Variants in CHST9 observed in about 807,000 individuals in gnomAD.
CHST9 encodes GalNAc-4-sulfotransferase 2.
Under a neutral mutation model 44.4 loss-of-function variants are expected in CHST9, and 41 were observed. That is an observed-to-expected ratio of 0.92 (90% confidence interval 0.72 to 1.20). CHST9 has a LOEUF of 1.20. Among genes scored for constraint, CHST9 ranks in the 50% most tolerant of loss-of-function variants. The pLI, the probability that CHST9 is intolerant of heterozygous loss-of-function variation, is 0.00. For missense variants in CHST9, 504 were observed against 516.5 expected, an observed-to-expected ratio of 0.98 and a Z score of 0.23; for synonymous variants, 171 against 178.4, an observed-to-expected ratio of 0.96 and a Z score of 0.33.
intron 4 of CHST9, among the ~76,000 whole-genome samples, chr18:26,959,588 A>C (rs2056373007): frequency 6.6e-6 from 1 of 152,220 alleles, no homozygotes; most frequent in Admixed American, 6.5e-5. Flanking sequence ...GAAGCAGATT[A>C]GGGGAACAGT....
intron 2 of CHST9, among the ~76,000 whole-genome samples, chr18:27,136,496 G>T (rs1223499451): frequency 6.6e-6 from 1 of 152,192 alleles, no homozygotes; most frequent in Non-Finnish European, 1.5e-5. Flanking sequence ...GCACACTGCA[G>T]GGTGGCTTAG....
Position 26,917,099 on chromosome 18 carries a change from T to A in CHST9, c.492A>T (p.Lys164Asn), listed in dbSNP as rs769959604. 30 of 1,613,882 alleles carry A rather than the reference T, an allele frequency of 1.9e-5. No individual in the cohort carries two copies. The African/African-American group carries it at 2.8e-4, about 15-fold the overall frequency. ...CCTCAGTTTTCTTCCATTTATTATC[T>A]TTGACTAAACTTTTGTTTAAAGGGT... ...DIHPLNKSLV[K>N]DNKWKKTEET... is the part of the protein sequence containing the mutation. Residue 164 changes from lysine to asparagine, a missense_variant, in exon 6 of 6, where the codon AAA becomes AAT. Lys to Asn is a moderately conservative substitution (Grantham distance 94, BLOSUM62 0). Transcript: ENST00000618847.
At chr18:26,991,740 A>G (rs1395393871) in intron 4 of CHST9, among the ~76,000 whole-genome samples, 3 of 130,028 alleles carry the variant, frequency 2.3e-5, no homozygotes, top group African/African-American at 5.2e-5. Context: ...GGAGGGAGTG[A>G]TCAACTGTGT....
chr18:26,934,172 G>A (rs1303184696), intron 5 of CHST9: 1 of 152,410 alleles, frequency 6.6e-6, no homozygotes, highest in Non-Finnish European at 1.5e-5. Context: ...GGATTTTACA[G>A]GGGTGCAGTA....
intron 2 of CHST9, among the ~76,000 whole-genome samples, chr18:27,098,811 C>T (rs2058142780): frequency 6.9e-6 from 1 of 144,754 alleles, no homozygotes; most frequent in African/African-American, 2.6e-5. Flanking sequence ...CTACCAATGG[C>T]ATTTTTCACA....
At chr18:27,095,772 C>T (rs189233853) in intron 2 of CHST9, among the ~76,000 whole-genome samples, 1 of 152,014 alleles carries the variant, frequency 6.6e-6, no homozygotes, top group Non-Finnish European at 1.5e-5. Context: ...AATTGGAGCA[C>T]CCAGATACAT....
intron 4 of CHST9, among the ~76,000 whole-genome samples, chr18:26,970,203 C>G (rs1352414276): frequency 2.6e-5 from 4 of 152,170 alleles, no homozygotes; most frequent in Non-Finnish European, 5.9e-5. Context: ...TTCTAAAATA[C>G]AGATTTCTGA....
At chr18:26,988,901 A>G (rs2056784714) in intron 4 of CHST9, among the ~76,000 whole-genome samples, 1 of 152,170 alleles carries the variant, frequency 6.6e-6, no homozygotes, top group Non-Finnish European at 1.5e-5. Flanking sequence ...AGAAAATCTA[A>G]ATAACACAAA....
rs2057576644 is a variant in CHST9, at chr18:27,052,276, ATG to A, written c.122-3775_122-3774del. 4.7e-5 allele frequency among the ~76,000 whole-genome samples: 7 copies of A among 149,092 alleles called. No homozygotes were observed. In the South Asian group the frequency reaches 1.3e-3, roughly 27 times the overall value. ...TGTGTATATATATATGTGTATATAT[ATG>A]TATATATATGTGTGTATATATGTAT... On this transcript the variant is annotated intron_variant, in intron 2 of 5. Transcript: ENST00000618847.
intron 2 of CHST9, among the ~76,000 whole-genome samples, chr18:27,114,226 T>C (rs1402132504): frequency 6.6e-5 from 10 of 152,218 alleles, no homozygotes; most frequent in Admixed American, 5.9e-4. Flanking sequence ...AACGACGGAA[T>C]CTTTATAAGT....
chr18:27,023,452 T>C (rs1285484105), intron 4 of CHST9, among the ~76,000 whole-genome samples: 1 of 152,186 alleles, frequency 6.6e-6, no homozygotes, highest in East Asian at 1.9e-4. Context: ...ATTGTTTTAT[T>C]ACTTTCAATA....
chr18:27,038,470 C>T (rs1468503011), intron 3 of CHST9, among the ~76,000 whole-genome samples: 2 of 151,858 alleles, frequency 1.3e-5, no homozygotes, highest in Non-Finnish European at 2.9e-5. Flanking sequence ...CACTTGAACT[C>T]GGGAGGTGAA....
chr18:27,172,680 G>A (rs2058842202), intron 1 of CHST9, among the ~76,000 whole-genome samples: 1 of 151,992 alleles, frequency 6.6e-6, no homozygotes, highest in South Asian at 2.1e-4. Flanking sequence ...TCAAGATAGT[G>A]TAGGCTGGCA....
At chr18:27,145,983 AAAT>A (rs2058608962) in intron 1 of CHST9, among the ~76,000 whole-genome samples, 1 of 152,184 alleles carries the variant, frequency 6.6e-6, no homozygotes, top group African/African-American at 2.4e-5. Flanking sequence ...ACTAACAAAG[AAAT>A]AGTTGTTTAC....
intron 3 of CHST9, among the ~76,000 whole-genome samples, chr18:27,037,887 A>G (rs965575426): frequency 3.3e-5 from 5 of 151,982 alleles, no homozygotes; most frequent in African/African-American, 1.2e-4. Flanking sequence ...GACTACTGCC[A>G]ATTCTCAAGC....
chr18:26,922,417 T>C (rs1229959549), intron 5 of CHST9, among the ~76,000 whole-genome samples: 1 of 152,172 alleles, frequency 6.6e-6, no homozygotes, highest in Non-Finnish European at 1.5e-5. Flanking sequence ...TTGATTGTTT[T>C]GTTGGAAAAA....
At chr18:27,060,874 G>A (rs893142293) in intron 2 of CHST9, among the ~76,000 whole-genome samples, 1 of 152,190 alleles carries the variant, frequency 6.6e-6, no homozygotes, top group Non-Finnish European at 1.5e-5. Context: ...CAATCTTCCT[G>A]CCTCAGCCTC....
At chr18:26,994,698 T>C (rs182218713) in intron 4 of CHST9, among the ~76,000 whole-genome samples, 64 of 152,214 alleles carry the variant, frequency 4.2e-4, no homozygotes, top group Admixed American at 1.0e-3. Flanking sequence ...CAAGTGATTC[T>C]TTGCCTCAGC....
At chr18:26,993,340 T>C (rs540255439) in intron 4 of CHST9, among the ~76,000 whole-genome samples, 7 of 152,344 alleles carry the variant, frequency 4.6e-5, no homozygotes, top group Non-Finnish European at 1.5e-5. Context: ...AAACCTTAAA[T>C]TTTATTATCT....
Sources: gnomAD v4.1 joint callset for allele counts (sites outside exome capture counted in the v4.1 genomes callset) on GRCh38, gnomAD v4.1.1 for gene constraint, MANE v1.5 for transcripts, NCBI Gene and HGNC (gene_info 2026-07-23, HGNC 2026-07-21) for gene names.